Variants in NOC3L observed in about 807,000 individuals in gnomAD.
The protein encoded by NOC3L is nucleolar complex protein 3 homolog.
In NOC3L, 85 loss-of-function variants were observed where a neutral mutation model predicts 102.5. The observed-to-expected ratio is 0.83, with a 90% CI of 0.70 to 0.99. NOC3L has a LOEUF of 0.99. Among genes scored for constraint, NOC3L ranks in the 50% least tolerant of loss-of-function variants. The pLI is 0.00. For synonymous variants in NOC3L, 303 were observed against 309.4 expected (o/e 0.98, Z 0.22); for missense variants, 878 against 914.9 (o/e 0.96, Z 0.52).
chr10:94,321,296 A>G, the NOC3L span, among the ~76,000 whole-genome samples: 4 of 152,210 alleles, frequency 2.6e-5, no homozygotes, highest in East Asian at 7.7e-4. Context: ...AAAATGGTAT[A>G]TTGTCTTTCT....
chr10:94,338,591 A>G lies in NOC3L; in HGVS notation c.2091+17T>C, dbSNP rs755747085. 6.7e-7 allele frequency: 1 copy of G among 1,488,562 alleles called. No individual in the cohort carries two copies. The highest frequency in any genetic ancestry group is 9.0e-7 in the Non-Finnish European group (1 of 1,112,366). The allele number at this position is 1,488,562 out of a possible 1,614,324, so 92.2% of individuals were successfully genotyped here. ...CACAAACATCCCCAAAAAGAAAAAA[A>G]CCAGGGCCACTCTTACCCGCAGAGC... is the stretch of plus-strand genomic sequence containing the variant. On this transcript the variant is annotated intron_variant, in intron 18 of 20. Transcript: ENST00000371361.
downstream of NOC3L, chr10:94,332,531 G>GCC (rs1262439561): frequency 6.6e-6 from 1 of 151,870 alleles, no homozygotes; most frequent in Non-Finnish European, 1.5e-5. Context: ...GTGTGTGTGT[G>GCC]TGTGTGTGTG....
chr10:94,349,140 C>T, intron 10 of NOC3L, 110 bp downstream of exon 10: 1 of 1,202,286 alleles, frequency 8.3e-7, no homozygotes, highest in South Asian at 1.6e-5. Context: ...ACTTAAGGAG[C>T]TTGAATACTT....
the NOC3L span, among the ~76,000 whole-genome samples, chr10:94,326,759 GTAGA>G: frequency 6.6e-6 from 1 of 152,232 alleles, no homozygotes; most frequent in Non-Finnish European, 1.5e-5. Flanking sequence ...CCTGTAGCAA[GTAGA>G]TATTTATTTT....
chr10:94,360,771 T>C (rs1007180791), intron 2 of NOC3L, among the ~76,000 whole-genome samples: 1 of 152,180 alleles, frequency 6.6e-6, no homozygotes, highest in African/African-American at 2.4e-5. Flanking sequence ...GATGTGATTA[T>C]TATGCATTGT....
intron 10 of NOC3L, among the ~76,000 whole-genome samples, chr10:94,348,724 T>C (rs1373054750): frequency 1.3e-5 from 2 of 152,184 alleles, no homozygotes; most frequent in Middle Eastern, 3.2e-3. Context: ...ATTAAATGTT[T>C]TTGAACAACA....
chr10:94,340,524 G>T, intron 14 of NOC3L, 28 bp from the exon 15 acceptor site: 2 of 1,105,842 alleles, frequency 1.8e-6, no homozygotes, highest in Non-Finnish European at 1.3e-6. Context: ...GGGGGTGAGG[G>T]GGATGGAATA....
the NOC3L span, among the ~76,000 whole-genome samples, chr10:94,319,762 A>T: frequency 6.6e-6 from 1 of 151,864 alleles, no homozygotes; most frequent in Non-Finnish European, 1.5e-5. Context: ...GTAAAAAGGG[A>T]TATAAGTGAG....
At chr10:94,342,410 TAGA>T (rs901035726) in intron 13 of NOC3L, among the ~76,000 whole-genome samples, 5 of 152,264 alleles carry the variant, frequency 3.3e-5, no homozygotes, top group African/African-American at 1.2e-4. Context: ...ATGTAAATCT[TAGA>T]AGAATAAAAG....
chr10:94,348,821 A>C (rs2054378721), intron 10 of NOC3L, among the ~76,000 whole-genome samples: 1 of 152,168 alleles, frequency 6.6e-6, no homozygotes, highest in South Asian at 2.1e-4. Flanking sequence ...AATATGAAAA[A>C]ATAATATGGC....
At chr10:94,324,903 A>G in the NOC3L span, 1 of 1,614,198 alleles carries the variant, frequency 6.2e-7, no homozygotes, top group Non-Finnish European at 8.5e-7. Flanking sequence ...CATCTCGAGA[A>G]GATAAAAAGA....
In NOC3L at chr10:94,353,071, A is replaced by G; in HGVS notation, c.697-14T>C. The G allele has an allele frequency of 2.5e-6, 4 of 1,580,362 alleles. No individual in the cohort carries two copies. The South Asian group carries it at 3.5e-5, about 14-fold the overall frequency. ...CAATTTTTTAATCTGTTAAAGAAAT[A>G]GCTTATAAAGCTGGAGAAATCATGA... On this transcript the variant is annotated splice_polypyrimidine_tract_variant and intron_variant, in intron 6 of 20. Transcript: ENST00000371361.
chr10:94,353,235 T>G (rs1205587680), intron 6 of NOC3L, among the ~76,000 whole-genome samples, 178 bp from the exon 7 acceptor site: 1 of 152,190 alleles, frequency 6.6e-6, no homozygotes, highest in African/African-American at 2.4e-5. Context: ...ACTAAAGTCA[T>G]AAAGTAATTG....
the NOC3L span, among the ~76,000 whole-genome samples, chr10:94,321,275 T>C: frequency 6.6e-6 from 1 of 152,252 alleles, no homozygotes; most frequent in Non-Finnish European, 1.5e-5. Context: ...ATTTGGCTTT[T>C]GCTAATTGGC....
At chr10:94,332,104 C>A (rs1384537392), downstream of NOC3L, 1 of 151,984 alleles carries the variant, frequency 6.6e-6, no homozygotes, top group Non-Finnish European at 1.5e-5. Flanking sequence ...CTCCTGACCT[C>A]GTGATCCACC....
At chr10:94,340,376 G>T (rs1372882171) in intron 15 of NOC3L, 29 bp from the exon 16 acceptor site, 2 of 1,608,316 alleles carry the variant, frequency 1.2e-6, no homozygotes, top group Admixed American at 1.7e-5. Context: ...CACCAATTAG[G>T]TATGTTATAG....
intron 2 of NOC3L, 33 bp from the exon 3 acceptor site, chr10:94,358,248 T>C (rs1242263580): frequency 8.8e-7 from 1 of 1,141,018 alleles, no homozygotes; most frequent in Non-Finnish European, 1.3e-6. Context: ...CAAAGAAAAA[T>C]TAGAAACAAG....
intron 14 of NOC3L, among the ~76,000 whole-genome samples, chr10:94,340,947 C>T (rs2054276916): frequency 6.7e-6 from 1 of 149,254 alleles, no homozygotes; most frequent in South Asian, 2.1e-4. Flanking sequence ...CGCCACTGCA[C>T]TCCAGCCTGG....
At chr10:94,342,301 G>A (rs926778616) in intron 13 of NOC3L, among the ~76,000 whole-genome samples, 1 of 152,106 alleles carries the variant, frequency 6.6e-6, no homozygotes, top group Non-Finnish European at 1.5e-5. Flanking sequence ...AGAATCATAT[G>A]AGCTGCTAAA....
Sources: gnomAD v4.1 joint callset for allele counts (sites outside exome capture counted in the v4.1 genomes callset) on GRCh38, gnomAD v4.1.1 for gene constraint, MANE v1.5 for transcripts, NCBI Gene and HGNC (gene_info 2026-07-23, HGNC 2026-07-21) for gene names.